The following NOL9 variants were observed in gnomAD, a reference collection of about 807,000 sequenced individuals.
The protein encoded by NOL9 is nucleolar protein 9.
NOL9 carries 28 observed loss-of-function variants against 67.9 expected under a neutral mutation model. The ratio of observed to expected loss-of-function variants is 0.41; its 90% CI spans 0.31 to 0.57. NOL9 has a LOEUF of 0.57. NOL9 is among the 20% of genes least tolerant of loss of function. The pLI, the probability that NOL9 is intolerant of heterozygous loss-of-function variation, is 0.25. For synonymous variants in NOL9, 356 were observed against 352.2 expected (o/e 1.01, Z -0.12); for missense variants, 777 against 897.0 (o/e 0.87, Z 1.71).
chr1:6,536,980 C>T (rs1247006532), intron 6 of NOL9, among the ~76,000 whole-genome samples: 1 of 151,950 alleles, frequency 6.6e-6, no homozygotes, highest in Non-Finnish European at 1.5e-5. Context: ...TAATGCACTC[C>T]AGCCTGGGTG....
chr1:6,532,774 A>G lies in NOL9; in HGVS notation c.1238-14T>C. 2 of 1,603,274 alleles carry G rather than the reference A, an allele frequency of 1.2e-6. No homozygotes were observed. The highest frequency in any genetic ancestry group is 2.2e-5 in the South Asian group (2 of 90,078). ...GGAGCCCCTGGTCTGTGGGGAAGAGACATTAGCACAGCTGATACACTCAAG... is the reference window on the plus strand; with the variant it reads ...GGAGCCCCTGGTCTGTGGGGAAGAGGCATTAGCACAGCTGATACACTCAAG... On this transcript the variant is annotated splice_polypyrimidine_tract_variant and intron_variant, in intron 7 of 11. Coordinates refer to ENST00000377705, the MANE Select transcript of NOL9 (RefSeq NM_024654.5).
chr1:6,536,425 C>T (rs1570055078), intron 6 of NOL9, among the ~76,000 whole-genome samples: 1 of 152,094 alleles, frequency 6.6e-6, no homozygotes, highest in East Asian at 1.9e-4. Flanking sequence ...ATCCTACCTA[C>T]TCAAAGTGAG....
chr1:6,548,888 C>T (rs897627168), intron 3 of NOL9, among the ~76,000 whole-genome samples: 1 of 151,790 alleles, frequency 6.6e-6, no homozygotes, highest in Non-Finnish European at 1.5e-5. Flanking sequence ...TTGAGACCAA[C>T]CTGGCCAACA....
chr1:6,526,679 C>A lies in NOL9; in HGVS notation c.1959+17G>T. On this transcript the variant is annotated intron_variant, in intron 11 of 11. Transcript: ENST00000377705. ...TGAGTAGGCTCCTTCCAGGGCTGTG[C>A]CCGGGGGAAGGCTCACCTGGCACTT... 6.2e-7 allele frequency: 1 copy of A among 1,602,218 alleles called. No individual in the cohort carries two copies.
intron 5 of NOL9, among the ~76,000 whole-genome samples, chr1:6,542,351 G>A (rs1040624855): frequency 6.6e-5 from 10 of 151,334 alleles, no homozygotes; most frequent in Admixed American, 5.3e-4. Context: ...AGTAGAGACA[G>A]GGTTTCACCA....
At chr1:6,529,771 C>G (rs1222737180) in intron 9 of NOL9, among the ~76,000 whole-genome samples, 2 of 151,078 alleles carry the variant, frequency 1.3e-5, no homozygotes. Context: ...ACTAAAAATA[C>G]AAAAATTAGC....
At chr1:6,540,214 C>CTGGGTTCAT (rs1483557535) in intron 6 of NOL9, among the ~76,000 whole-genome samples, 1 of 150,200 alleles carries the variant, frequency 6.7e-6, no homozygotes, top group Non-Finnish European at 1.5e-5. Context: ...GCTCCGCCTC[C>CTGGGTTCAT]TGGGTTCATG....
intron 6 of NOL9, among the ~76,000 whole-genome samples, chr1:6,540,251 T>C (rs1033542187): frequency 6.7e-6 from 1 of 149,156 alleles, no homozygotes; most frequent in Admixed American, 6.8e-5. Flanking sequence ...GCCTCCCAAG[T>C]AGCTGGGACT....
chr1:6,533,951 G>A lies in NOL9; in HGVS notation c.1076-510C>T, dbSNP rs151271264. Among the ~76,000 whole-genome samples the A allele has an allele frequency of 1.3e-3, 201 of 151,378 alleles. 1 individual carries two copies. Among genetic ancestry groups the A allele is most frequent in the Non-Finnish European group, 2.4e-3 (161 of 67,894 alleles). ...TGCCCAGGCTGGACTGCAATGGTGCGATCTTGGCTCACAGCAACCTCCGCC... is the reference window on the plus strand; with the variant it reads ...TGCCCAGGCTGGACTGCAATGGTGCAATCTTGGCTCACAGCAACCTCCGCC... On this transcript the variant is annotated intron_variant, in intron 6 of 11. Transcript: ENST00000377705.
intron 6 of NOL9, among the ~76,000 whole-genome samples, chr1:6,538,074 A>G (rs1639196886): frequency 6.6e-6 from 1 of 151,806 alleles, no homozygotes; most frequent in Non-Finnish European, 1.5e-5. Flanking sequence ...AAAATTTAAA[A>G]AGTTAAAAAC....
chr1:6,529,263 G>A (rs1638965136), intron 9 of NOL9, 92 bp from the exon 10 acceptor site: 20 of 1,208,100 alleles, frequency 1.7e-5, no homozygotes, highest in Non-Finnish European at 2.0e-5. Flanking sequence ...TCTAAAGATA[G>A]GTCTGCCAAA....
chr1:6,540,286 C>A (rs1639254322), intron 6 of NOL9, among the ~76,000 whole-genome samples: 1 of 151,896 alleles, frequency 6.6e-6, no homozygotes, highest in African/African-American at 2.4e-5. Flanking sequence ...CTACGCCTGG[C>A]TAATTTTTTG....
chr1:6,531,300 G>A (rs969146277), intron 9 of NOL9, among the ~76,000 whole-genome samples: 5 of 151,844 alleles, frequency 3.3e-5, no homozygotes, highest in Admixed American at 2.0e-4. Context: ...TGCAACCTCC[G>A]CCTCCTGGGT....
chr1:6,552,834 C>T (rs6577581), intron 1 of NOL9, among the ~76,000 whole-genome samples: 121,409 of 152,002 alleles, frequency 0.8, 49,440 homozygotes, highest in Non-Finnish European at 0.87. Context: ...TCTTTCGAGA[C>T]GGAGTCTCAC....
In NOL9 at chr1:6,554,234, G is replaced by GTCGGGCTAGGGA; in HGVS notation, c.257_268dup (p.Ile86_Pro89dup). The GTCGGGCTAGGGA allele has an allele frequency of 6.6e-7, 1 of 1,512,970 alleles. No homozygotes were observed. Among genetic ancestry groups the GTCGGGCTAGGGA allele is most frequent in the East Asian group, 2.8e-5 (1 of 36,188 alleles). 93.7% of individuals were successfully genotyped at this position (1,512,970 alleles called of 1,614,324 possible). A position where few individuals can be genotyped will look rare whatever the true frequency, so the allele number is the denominator to read the frequency against. ...TTCGGACTCGGGTTCGGAGGCCGGG[G>GTCGGGCTAGGGA]TCGGGCTAGGGATCGGGCTGGGGGT... is the stretch of plus-strand genomic sequence containing the variant. On this transcript the variant is annotated inframe_insertion, in exon 1 of 12. Coordinates refer to ENST00000377705, the MANE Select transcript of NOL9 (RefSeq NM_024654.5).
Position 6,550,329 on chromosome 1 carries a change from C to T in NOL9, c.616+67G>A, listed in dbSNP as rs577579840. 1.4e-4 allele frequency: 201 copies of T among 1,421,758 alleles called. 2 individuals carry two copies. The African/African-American group carries it at 2.3e-3, about 16-fold the overall frequency. The allele number at this position is 1,421,758 out of a possible 1,614,324, so 88.1% of individuals were successfully genotyped here. A position where few individuals can be genotyped will look rare whatever the true frequency, so the allele number is the denominator to read the frequency against. On this transcript the variant is annotated intron_variant, in intron 2 of 11. Coordinates refer to ENST00000377705, the MANE Select transcript of NOL9 (RefSeq NM_024654.5). ...TATAGGCGTGAGCCACCGCGCCTGGCCCTAAAAATTATGAATTAGCCTTAT... is the reference window on the plus strand; with the variant it reads ...TATAGGCGTGAGCCACCGCGCCTGGTCCTAAAAATTATGAATTAGCCTTAT...
At chr1:6,533,546 A>T (rs1018460426) in intron 6 of NOL9, 105 bp from the exon 7 acceptor site, 1 of 832,224 alleles carries the variant, frequency 1.2e-6, no homozygotes, top group African/African-American at 1.8e-5. Flanking sequence ...CTGACAAAGA[A>T]CCTTAGGAAA....
In NOL9 at chr1:6,549,021, G is replaced by A. The variant is rs556723851; in HGVS notation, c.744+550C>T. 3.9e-5 allele frequency among the ~76,000 whole-genome samples: 6 copies of A among 152,198 alleles called. No individual in the cohort carries two copies. In the South Asian group the frequency reaches 1.2e-3, roughly 32 times the overall value. ...CACTTCATCCCGGGAGGCAGAGGGT[G>A]CAGTGAGCCGAGAGATCACACCACT... On this transcript the variant is annotated intron_variant, in intron 3 of 11. Transcript: ENST00000377705.
At position 6,531,974 on chromosome 1, in the gene NOL9, G is replaced by A. The variant is rs1557783973; in HGVS notation, c.1641C>T (p.Pro547=). The stretch of plus-strand genomic sequence containing the variant: ...TCCTGTAAGTTCAGATTACCTGATA[G>A]GGTGTCAGGCTATGTAAAGGAGAAA... The part of the protein sequence containing the change: ...KPLSPLHSLT[P]YQVPFNAVAL... Residue 547 remains proline, a synonymous_variant, in exon 9 of 12, where the codon CCC becomes CCT. Coordinates refer to ENST00000377705, the MANE Select transcript of NOL9 (RefSeq NM_024654.5). The A allele has an allele frequency of 6.2e-7, 1 of 1,610,772 alleles. No homozygotes were observed. Among genetic ancestry groups the A allele is most frequent in the East Asian group, 2.2e-5 (1 of 44,872 alleles).
Sources: gnomAD v4.1 joint callset for allele counts (sites outside exome capture counted in the v4.1 genomes callset) on GRCh38, gnomAD v4.1.1 for gene constraint, MANE v1.5 for transcripts, NCBI Gene and HGNC (gene_info 2026-07-23, HGNC 2026-07-21) for gene names.